The following RARB variants were observed in gnomAD, a reference collection of about 807,000 sequenced individuals.
The protein encoded by RARB is retinoic acid receptor beta, also known as HBV-activated protein.
In RARB, 17 loss-of-function variants were observed where a neutral mutation model predicts 51.9. The ratio of observed to expected loss-of-function variants is 0.33; its 90% CI spans 0.22 to 0.49. RARB has a LOEUF of 0.49. Among genes scored for constraint, RARB ranks in the 20% least tolerant of loss-of-function variants. RARB has a pLI of 0.99. For missense variants in RARB, 369 were observed against 550.8 expected (o/e 0.67, Z 3.30); for synonymous variants, 215 against 195.4 (o/e 1.10, Z -0.84).
At chr3:25,119,607 G>A (rs1444390042) in intron 3 of RARB, among the ~76,000 whole-genome samples, 4 of 151,016 alleles carry the variant, frequency 2.6e-5, no homozygotes, top group African/African-American at 7.3e-5. Context: ...ATAAATGGGT[G>A]TAACTCAGCG....
chr3:25,311,041 C>T (rs1031258954), intron 5 of RARB, among the ~76,000 whole-genome samples: 6 of 152,158 alleles, frequency 3.9e-5, no homozygotes, highest in Non-Finnish European at 7.3e-5. Flanking sequence ...CAGAACACAA[C>T]ATTTGATGCT....
At chr3:25,077,767 C>A (rs1203016374) in intron 3 of RARB, among the ~76,000 whole-genome samples, 1 of 151,956 alleles carries the variant, frequency 6.6e-6, no homozygotes, top group East Asian at 1.9e-4. Context: ...AACTGTCTAA[C>A]CTTTTTACGG....
intron 5 of RARB, among the ~76,000 whole-genome samples, chr3:25,345,721 A>G (rs1490492912): frequency 6.6e-6 from 1 of 152,098 alleles, no homozygotes; most frequent in Non-Finnish European, 1.5e-5. Flanking sequence ...GGAATTTAGG[A>G]AAAGCTAAAA....
chr3:25,128,065 G>T (rs1205387403), intron 3 of RARB, among the ~76,000 whole-genome samples: 2 of 152,084 alleles, frequency 1.3e-5, no homozygotes, highest in Non-Finnish European at 2.9e-5. Flanking sequence ...GGCTGGAGTG[G>T]TTTGTTGTCA....
At chr3:25,468,996 G>C (rs972058974) in intron 2 of RARB, among the ~76,000 whole-genome samples, 4 of 152,250 alleles carry the variant, frequency 2.6e-5, no homozygotes, top group Admixed American at 2.6e-4. Flanking sequence ...GGAAATGCTT[G>C]CTGAAGGTCA....
At chr3:25,493,633 T>C (rs989204917) in intron 2 of RARB, among the ~76,000 whole-genome samples, 2 of 152,226 alleles carry the variant, frequency 1.3e-5, no homozygotes, top group African/African-American at 4.8e-5. Flanking sequence ...CTTTTCCTTC[T>C]TTTGCTCTAG....
chr3:25,300,057 G>A (rs1020810425), intron 5 of RARB, among the ~76,000 whole-genome samples: 6 of 152,106 alleles, frequency 3.9e-5, no homozygotes, highest in African/African-American at 9.7e-5. Flanking sequence ...CATAGTCTTC[G>A]TAGTTTATAC....
chr3:24,862,588 G>A (rs901031763), intron 2 of RARB, among the ~76,000 whole-genome samples: 6 of 152,098 alleles, frequency 3.9e-5, no homozygotes, highest in Non-Finnish European at 7.4e-5. Context: ...TCTGTCTAGC[G>A]TATCCATGCT....
intron 2 of RARB, among the ~76,000 whole-genome samples, chr3:24,890,549 A>T (rs1160323918): frequency 6.6e-6 from 1 of 151,978 alleles, no homozygotes; most frequent in Non-Finnish European, 1.5e-5. Flanking sequence ...GGGAGTTGGA[A>T]ATCAGCCTGG....
chr3:25,088,454 G>C (rs528191703), intron 3 of RARB, among the ~76,000 whole-genome samples: 29 of 152,122 alleles, frequency 1.9e-4, no homozygotes, highest in Admixed American at 1.3e-4. Context: ...ATAATTGATG[G>C]CTGTGGGGTA....
At chr3:25,006,311 G>A (rs1270741282) in intron 2 of RARB, among the ~76,000 whole-genome samples, 1 of 152,082 alleles carries the variant, frequency 6.6e-6, no homozygotes, top group African/African-American at 2.4e-5. Context: ...ACTTGTTAGT[G>A]TACCTTGTTT....
At chr3:25,058,709 T>G (rs1277400656) in intron 2 of RARB, among the ~76,000 whole-genome samples, 2 of 151,744 alleles carry the variant, frequency 1.3e-5, no homozygotes, top group East Asian at 3.9e-4. Context: ...TTTTCTCCTA[T>G]AAAAACAAAA....
intron 5 of RARB, among the ~76,000 whole-genome samples, chr3:25,389,743 T>C (rs6786765): frequency 0.03 from 4,609 of 152,278 alleles, 233 homozygotes; most frequent in African/African-American, 0.1. Context: ...GAATATCTGC[T>C]CTCTCAAAAT....
chr3:25,537,941 T>C (rs1421210263), intron 3 of RARB, among the ~76,000 whole-genome samples: 1 of 152,214 alleles, frequency 6.6e-6, no homozygotes, highest in African/African-American at 2.4e-5. Flanking sequence ...TAGAAAGTGC[T>C]ACTTTACTGA....
At chr3:25,274,623 A>C (rs559989776) in intron 5 of RARB, among the ~76,000 whole-genome samples, 1 of 152,266 alleles carries the variant, frequency 6.6e-6, no homozygotes, top group East Asian at 1.9e-4. Flanking sequence ...CCCAAATCTC[A>C]TTAGTTTATA....
chr3:24,977,132 G>A (rs1696534322), intron 2 of RARB, among the ~76,000 whole-genome samples: 2 of 152,020 alleles, frequency 1.3e-5, no homozygotes, highest in Admixed American at 1.3e-4. Flanking sequence ...ATCTGTTTTG[G>A]TACCGGTACC....
At chr3:24,954,414 G>A (rs1695965015) in intron 2 of RARB, among the ~76,000 whole-genome samples, 2 of 152,176 alleles carry the variant, frequency 1.3e-5, no homozygotes, top group Non-Finnish European at 2.9e-5. Context: ...TTAAGCAGCA[G>A]CTGAGTCCTA....
At chr3:24,877,183 G>A (rs1221600050) in intron 2 of RARB, among the ~76,000 whole-genome samples, 1 of 151,804 alleles carries the variant, frequency 6.6e-6, no homozygotes, top group Non-Finnish European at 1.5e-5. Context: ...ACTTAGCTGG[G>A]AACATTTCTT....
chr3:25,091,796 G>T (rs116395067), intron 3 of RARB, among the ~76,000 whole-genome samples: 2,261 of 152,236 alleles, frequency 0.015, 68 homozygotes, highest in African/African-American at 0.05. Context: ...ATGTAAAAAG[G>T]TTTAATTTGG....
Sources: allele counts gnomAD v4.1 joint callset (sites outside exome capture counted in the v4.1 genomes callset), GRCh38; gene constraint gnomAD v4.1.1; transcripts MANE v1.5; gene names NCBI Gene and HGNC (gene_info 2026-07-23, HGNC 2026-07-21).